BCAS3: variants seen among roughly 807,000 people sequenced by gnomAD.
BCAS3 encodes the protein BCAS4/BCAS3 fusion.
In BCAS3, 53 loss-of-function variants were observed where a neutral mutation model predicts 116.1. The ratio of observed to expected loss-of-function variants is 0.46; its 90% confidence interval spans 0.37 to 0.57. The LOEUF (loss-of-function observed/expected upper bound fraction) is 0.57. Among genes scored for constraint, BCAS3 ranks in the 20% least tolerant of loss-of-function variants. BCAS3 has a pLI of 0.00. For missense variants in BCAS3, 917 were observed against 1,165.4 expected (o/e 0.79, Z 3.10); for synonymous variants, 391 against 408.2 (o/e 0.96, Z 0.51).
rs1157768326 is a variant in BCAS3, at chr17:61,356,367, T to C, written c.2426-11960T>C. ...TCCTTGGAGGGGGAGAAATCATGAGTGTGCCAAGTTTAAAACAGAAGAGTA... is the reference window on the plus strand; with the variant it reads ...TCCTTGGAGGGGGAGAAATCATGAGCGTGCCAAGTTTAAAACAGAAGAGTA... On this transcript the variant is annotated intron_variant, in intron 22 of 23. Transcript: ENST00000407086. This position sits in a 1 kb window ranked among gnomAD's most constrained non-coding sequence, Gnocchi z 5.4. Among the ~76,000 whole-genome samples the C allele has an allele frequency of 6.6e-6, 1 of 152,090 alleles. No individual in the cohort carries two copies. Among genetic ancestry groups the C allele is most frequent in the Non-Finnish European group, 1.5e-5 (1 of 68,010 alleles).
Position 61,388,764 on chromosome 17 carries a change from A to T in BCAS3, c.2594-3213A>T. On this transcript the variant is annotated intron_variant, in intron 23 of 23. Transcript: ENST00000407086. The surrounding 1 kb of genome is among the most constrained non-coding windows in gnomAD (Gnocchi z 6.5). ...CTCGTAGGGCTGGGCGGCCGGGATG[A>T]CTTGGAGGGGGGAATCTGAGCAGCC... is the stretch of plus-strand genomic sequence containing the variant. 1 of 1,483,010 alleles carries T rather than the reference A, an allele frequency of 6.7e-7. No homozygotes were observed. The highest frequency in any genetic ancestry group is 1.2e-5 in the South Asian group (1 of 81,448). The allele number at this position is 1,483,010 out of a possible 1,614,324, so 91.9% of individuals were successfully genotyped here. A position where few individuals can be genotyped will look rare whatever the true frequency, so the allele number is the denominator to read the frequency against.
At chr17:61,143,467 A>T (rs1568443361) in intron 22 of BCAS3, among the ~76,000 whole-genome samples, 1 of 152,212 alleles carries the variant, frequency 6.6e-6, no homozygotes, top group African/African-American at 2.4e-5. Context: ...AGAGGTAAAG[A>T]CTTTAAAATT....
chr17:60,999,906 T>A (rs2064124124), intron 15 of BCAS3, among the ~76,000 whole-genome samples: 1 of 152,178 alleles, frequency 6.6e-6, no homozygotes, highest in South Asian at 2.1e-4. Flanking sequence ...TTTATGGATT[T>A]TTTTGTGGCT....
rs180939479 is a variant in BCAS3, at chr17:61,314,995, G to A, written c.2426-53332G>A. 4.3e-3 allele frequency among the ~76,000 whole-genome samples: 652 copies of A among 152,260 alleles called. 1 individual carries two copies. The highest frequency in any genetic ancestry group is 0.014 in the African/African-American group (571 of 41,534). ...TTAGCAGTCACCGCGCTTGTCTGAT[G>A]TTGGAACTCCTCTTCACCCATCCGA... On this transcript the variant is annotated intron_variant, in intron 22 of 23. Transcript: ENST00000407086.
intron 11 of BCAS3, among the ~76,000 whole-genome samples, chr17:60,908,985 A>G (rs2058340376): frequency 6.6e-6 from 1 of 152,164 alleles, no homozygotes; most frequent in African/African-American, 2.4e-5. Flanking sequence ...CTGGAGACAG[A>G]TGGTCCCAGT....
intron 21 of BCAS3, among the ~76,000 whole-genome samples, chr17:61,080,709 G>A (rs544889476): frequency 5.3e-5 from 8 of 152,264 alleles, no homozygotes; most frequent in South Asian, 2.1e-4. Context: ...TCAGTGAGCC[G>A]AGATCGTGCC....
chr17:61,119,645 C>T (rs2075679849), intron 22 of BCAS3, among the ~76,000 whole-genome samples: 1 of 151,836 alleles, frequency 6.6e-6, no homozygotes, highest in Non-Finnish European at 1.5e-5. Flanking sequence ...AACCATTATA[C>T]AATTACTCTA....
chr17:61,091,067 A>G (rs2073523547), intron 22 of BCAS3, among the ~76,000 whole-genome samples: 1 of 152,234 alleles, frequency 6.6e-6, no homozygotes, highest in South Asian at 2.1e-4. Flanking sequence ...TTGAAGATGA[A>G]GAAACAGTAA....
rs1193164940 is a variant in BCAS3, at chr17:61,366,058, G to A, written c.2426-2269G>A. Reference sequence around the variant, plus strand: ...CTCGGGAGGCTGAGACACGAGAATCGCCTGGACCCAGGAGGCAGAGGTTGC... The same window carrying A: ...CTCGGGAGGCTGAGACACGAGAATCACCTGGACCCAGGAGGCAGAGGTTGC... On this transcript the variant is annotated intron_variant, in intron 22 of 23. Transcript: ENST00000407086. This position sits in a 1 kb window ranked among gnomAD's most constrained non-coding sequence, Gnocchi z 4.5. Among the ~76,000 whole-genome samples the A allele has an allele frequency of 2.6e-5, 4 of 151,712 alleles. No homozygotes were observed. Among genetic ancestry groups the A allele is most frequent in the Admixed American group, 1.3e-4 (2 of 15,212 alleles).
chr17:61,206,822 A>G (rs1001898175), intron 22 of BCAS3, among the ~76,000 whole-genome samples: 1 of 150,738 alleles, frequency 6.6e-6, no homozygotes, highest in Non-Finnish European at 1.5e-5. Flanking sequence ...AAAAAAAAAA[A>G]AAAAAAATTG....
At chr17:61,149,492 A>T (rs2077428363) in intron 22 of BCAS3, among the ~76,000 whole-genome samples, 1 of 152,214 alleles carries the variant, frequency 6.6e-6, no homozygotes, top group Non-Finnish European at 1.5e-5. Flanking sequence ...AAATGAAAAT[A>T]GATTTTTAAT....
chr17:60,810,895 G>T (rs551109583), intron 7 of BCAS3: 2 of 700,896 alleles, frequency 2.9e-6, no homozygotes, highest in African/African-American at 1.7e-5. Context: ...CAAATCTCAG[G>T]ATCTCACCAA....
chr17:61,362,373 T>G lies in BCAS3; in HGVS notation c.2426-5954T>G, dbSNP rs1441803388. Among the ~76,000 whole-genome samples the G allele has an allele frequency of 6.6e-6, 1 of 152,188 alleles. No individual in the cohort carries two copies. The highest frequency in any genetic ancestry group is 1.5e-5 in the Non-Finnish European group (1 of 68,026). On this transcript the variant is annotated intron_variant, in intron 22 of 23. Coordinates refer to ENST00000407086, the MANE Select transcript of BCAS3 (RefSeq NM_017679.5). The surrounding 1 kb of genome is among the most constrained non-coding windows in gnomAD (Gnocchi z 4.4). ...TTTGGTATCTGGCCTCCCTGGTGGT[T>G]AGAAATCTGATCAGCAGGCTCTCAG...
At chr17:60,921,612 C>CA (rs755864096) in intron 12 of BCAS3, among the ~76,000 whole-genome samples, 2,649 of 32,140 alleles carry the variant, frequency 0.082, 133 homozygotes, top group African/African-American at 0.12. Context: ...GACTCCGTCT[C>CA]AAAAAAAAAA....
At chr17:61,123,503 GT>G (rs754095367) in intron 22 of BCAS3, among the ~76,000 whole-genome samples, 1 of 152,160 alleles carries the variant, frequency 6.6e-6, no homozygotes, top group South Asian at 2.1e-4. Context: ...GACCCTATCT[GT>G]TTTTTATCAC....
chr17:60,977,111 C>T (rs2062448466), intron 14 of BCAS3, among the ~76,000 whole-genome samples: 1 of 152,022 alleles, frequency 6.6e-6, no homozygotes, highest in African/African-American at 2.4e-5. Context: ...GCGGGGGCTG[C>T]CCCCCACCTC....
rs1249181126 is a variant in BCAS3, at chr17:61,365,692, T to G, written c.2426-2635T>G. On this transcript the variant is annotated intron_variant, in intron 22 of 23. Coordinates refer to ENST00000407086, the MANE Select transcript of BCAS3 (RefSeq NM_017679.5). This position sits in a 1 kb window ranked among gnomAD's most constrained non-coding sequence, Gnocchi z 4.6. ...CTTTTGATATTCCTCTTGGTCCCGC[T>G]GTCACCCCACCTGCCTTGACCTCTG... Among the ~76,000 whole-genome samples, 5 of 152,188 alleles carry G rather than the reference T, an allele frequency of 3.3e-5. No individual in the cohort carries two copies. The highest frequency in any genetic ancestry group is 1.5e-5 in the Non-Finnish European group (1 of 68,026).
chr17:61,219,640 T>C lies in BCAS3; in HGVS notation c.2425+135076T>C, dbSNP rs897398619. On this transcript the variant is annotated intron_variant, in intron 22 of 23. Coordinates refer to ENST00000407086, the MANE Select transcript of BCAS3 (RefSeq NM_017679.5). This position sits in a 1 kb window ranked among gnomAD's most constrained non-coding sequence, Gnocchi z 5.2. Reference sequence around the variant, plus strand: ...CAGAAGTGTTTTAACAGGGTTTTAATGGGCAGCCTCTGTAGCTCCTTGGAG... The same window carrying C: ...CAGAAGTGTTTTAACAGGGTTTTAACGGGCAGCCTCTGTAGCTCCTTGGAG... Among the ~76,000 whole-genome samples, 1 of 152,202 alleles carries C rather than the reference T, an allele frequency of 6.6e-6. No individual in the cohort carries two copies. The highest frequency in any genetic ancestry group is 2.4e-5 in the African/African-American group (1 of 41,450).
intron 22 of BCAS3, among the ~76,000 whole-genome samples, chr17:61,225,397 G>A (rs1357376840): frequency 6.6e-6 from 1 of 152,084 alleles, no homozygotes; most frequent in African/African-American, 2.4e-5. Flanking sequence ...CTATGTCAAA[G>A]GTCATGAACT....
Sources: gnomAD v4.1 joint callset for allele counts (sites outside exome capture counted in the v4.1 genomes callset) on GRCh38, gnomAD v4.1.1 for gene constraint, Gnocchi (gnomAD v3.1) non-coding constraint, MANE v1.5 for transcripts, NCBI Gene and HGNC (gene_info 2026-07-23, HGNC 2026-07-21) for gene names.